BOC: variants seen among roughly 807,000 people sequenced by gnomAD.
BOC encodes brother of CDO.
BOC carries 76 observed loss-of-function variants against 112.0 expected under a neutral mutation model. That is an observed-to-expected ratio of 0.68 (90% CI 0.56 to 0.82). BOC has a LOEUF of 0.82. Ranked by LOEUF, BOC falls within the 40% of genes least tolerant of loss-of-function variation. The pLI is 0.00. For synonymous variants in BOC, 580 were observed against 599.8 expected, an observed-to-expected ratio of 0.97 and a Z score of 0.48; for missense variants, 1,309 against 1,511.7, an observed-to-expected ratio of 0.87 and a Z score of 2.22.
intron 1 of BOC, among the ~76,000 whole-genome samples, chr3:113,215,206 A>T (rs1220033225): frequency 6.6e-6 from 1 of 152,146 alleles, no homozygotes; most frequent in East Asian, 1.9e-4. Flanking sequence ...AGGGGGTGGG[A>T]TGGGAGAGGG....
intron 8 of BOC, among the ~76,000 whole-genome samples, chr3:113,273,974 G>T (rs923722325): frequency 6.6e-6 from 1 of 152,144 alleles, no homozygotes; most frequent in African/African-American, 2.4e-5. Flanking sequence ...GTAGGAAAAG[G>T]CCCACATGGT....
intron 2 of BOC, among the ~76,000 whole-genome samples, chr3:113,230,570 C>T (rs935696075): frequency 2.0e-5 from 3 of 152,170 alleles, no homozygotes; most frequent in Non-Finnish European, 1.5e-5. Context: ...ATACTACCGA[C>T]CTCATATAGT....
rs1948248323 is a variant in BOC at position 113,272,663 on chromosome 3, G to T, written c.921G>T (p.Gln307His). 1 of 1,613,756 alleles carries T rather than the reference G, an allele frequency of 6.2e-7. No homozygotes were observed. Among genetic ancestry groups the T allele is most frequent in the African/African-American group, 1.3e-5 (1 of 74,810 alleles). The change falls in exon 7 of 20, where the codon CAG becomes CAT. Residue 307 changes from glutamine to histidine, a missense_variant. Physicochemically the swap from Gln to His is conservative, Grantham distance 24. Transcript: ENST00000682979. ...YRCMADNGVGQPGAAVILYNV... is the reference protein window; with the variant it reads ...YRCMADNGVGHPGAAVILYNV... ...GCATGGCCGACAATGGGGTTGGGCA[G>T]CCCGGGGCAGCGGTCATCCTCTACA... is the stretch of plus-strand genomic sequence containing the variant.
chr3:113,274,658 C>T lies in BOC; in HGVS notation c.1518C>T (p.Leu506=), dbSNP rs145288077. 7.5e-6 allele frequency: 12 copies of T among 1,603,406 alleles called. No homozygotes were observed. In the African/African-American group the frequency reaches 1.2e-4, roughly 16 times the overall value. ...AGGGCAGTGGCCGGGCGCCAATCCT[C>T]TACTATGTGGTGAAACACCGCAAGG... ...RHEGSGRAPI[L]YYVVKHRKQV... Residue 506 remains leucine, a synonymous_variant, in exon 9 of 20, where the codon CTC becomes CTT. Transcript: ENST00000682979. The surrounding 1 kb of genome is among the most constrained non-coding windows in gnomAD (Gnocchi z 4.8).
intron 15 of BOC, among the ~76,000 whole-genome samples, chr3:113,282,004 T>C (rs1431024021): frequency 6.6e-6 from 1 of 152,122 alleles, no homozygotes; most frequent in African/African-American, 2.4e-5. Context: ...TCATAAAGCC[T>C]TCACACTGGT....
Position 113,249,723 on chromosome 3 carries a change from G to C in BOC, c.-80G>C. The stretch of plus-strand genomic sequence containing the variant: ...CTCTCCCTTTCTCTCTTACAACAGA[G>C]TGTTGCCAGGGACGGCAGTATCTCT... On this transcript the variant is annotated splice_region_variant and 5_prime_UTR_variant, in exon 3 of 20. Transcript: ENST00000682979. 1.7e-6 allele frequency: 2 copies of C among 1,187,586 alleles called. No individual in the cohort carries two copies. Among genetic ancestry groups the C allele is most frequent in the Non-Finnish European group, 1.2e-6 (1 of 829,152 alleles). 73.6% of individuals were successfully genotyped at this position (1,187,586 alleles called of 1,614,324 possible). A position where few individuals can be genotyped will look rare whatever the true frequency, so the allele number is the denominator to read the frequency against.
chr3:113,225,583 A>G (rs1264549378), intron 2 of BOC, among the ~76,000 whole-genome samples: 2 of 152,176 alleles, frequency 1.3e-5, no homozygotes, highest in Non-Finnish European at 2.9e-5. Context: ...TGCCTACCCC[A>G]TGTAAGTGCA....
chr3:113,274,500 T>C lies in BOC; in HGVS notation c.1360T>C (p.Ser454Pro), dbSNP rs370284094. ...ACCGGCGCTCCCCAGACCCCCAACG[T>C]CAGTGGGGCCTGCTTCCCCGCAGTG... ...GQPALPRPPT[S>P]VGPASPQCPG... The change falls in exon 9 of 20, where the codon TCA becomes CCA. Residue 454 changes from serine to proline, a missense_variant. By Grantham distance (74) the Ser-to-Pro change is moderately conservative. Coordinates refer to ENST00000682979, the MANE Select transcript of BOC (RefSeq NM_001378074.1). The surrounding 1 kb of genome is among the most constrained non-coding windows in gnomAD (Gnocchi z 4.8). The C allele has an allele frequency of 6.2e-7, 1 of 1,612,860 alleles. No homozygotes were observed. The highest frequency in any genetic ancestry group is 1.7e-5 in the Admixed American group (1 of 60,002).
At chr3:113,280,686 T>C in intron 14 of BOC, 23 bp downstream of exon 14, 1 of 1,541,218 alleles carries the variant, frequency 6.5e-7, no homozygotes, top group Non-Finnish European at 9.0e-7. Flanking sequence ...TCTGTGTTTA[T>C]AGCTTCTGCG....
Position 113,278,210 on chromosome 3 carries a change from A to G in BOC, c.1658A>G (p.Tyr553Cys). The G allele has an allele frequency of 1.9e-6, 3 of 1,614,214 alleles. No homozygotes were observed. Among genetic ancestry groups the G allele is most frequent in the Non-Finnish European group, 2.5e-6 (3 of 1,180,046 alleles). ...GSLYEVEMAA[Y>C]NCAGEGQTAM... ...TTGTATGAAGTGGAGATGGCAGCTT[A>G]CAACTGTGCGGGAGAGGGCCAGACA... The change falls in exon 10 of 20, where the codon TAC becomes TGC. Residue 553 changes from tyrosine to cysteine, a missense_variant. Physicochemically the swap from Tyr to Cys is radical, Grantham distance 194. Transcript: ENST00000682979. This position sits in a 1 kb window ranked among gnomAD's most constrained non-coding sequence, Gnocchi z 4.2.
At chr3:113,270,519 T>C in intron 5 of BOC, 1 of 361,910 alleles carries the variant, frequency 2.8e-6, no homozygotes, top group East Asian at 4.9e-5. Context: ...TAAAATGCTC[T>C]TCTATTGACC....
chr3:113,236,266 G>GTA (rs1553726813), intron 2 of BOC, among the ~76,000 whole-genome samples: 4 of 52,612 alleles, frequency 7.6e-5, no homozygotes, highest in South Asian at 1.1e-3. Context: ...GTGTGTGTGT[G>GTA]TATATATACC....
At chr3:113,216,769 G>A (rs183007822) in intron 2 of BOC, among the ~76,000 whole-genome samples, 295 of 152,278 alleles carry the variant, frequency 1.9e-3, no homozygotes, top group Non-Finnish European at 3.6e-3. Flanking sequence ...TTCAAAGAAG[G>A]CCTTTGATGT....
intron 2 of BOC, among the ~76,000 whole-genome samples, chr3:113,219,045 G>A (rs992667309): frequency 2.0e-5 from 3 of 152,232 alleles, no homozygotes; most frequent in African/African-American, 7.2e-5. Flanking sequence ...TCCAAAGGTG[G>A]TATTGTGATG....
chr3:113,231,472 C>CA (rs1942602870), intron 2 of BOC, among the ~76,000 whole-genome samples: 1 of 152,110 alleles, frequency 6.6e-6, no homozygotes, highest in Non-Finnish European at 1.5e-5. Flanking sequence ...CAGTATTTCT[C>CA]AAAGAGTATT....
chr3:113,284,942 G>C, intron 18 of BOC, 84 bp downstream of exon 18: 2 of 1,257,848 alleles, frequency 1.6e-6, no homozygotes, highest in Middle Eastern at 3.7e-4. Flanking sequence ...CTGTCACTGA[G>C]AGCCAAGCAG....
chr3:113,241,423 C>A (rs576092959), intron 2 of BOC, among the ~76,000 whole-genome samples: 1 of 152,108 alleles, frequency 6.6e-6, no homozygotes, highest in African/African-American at 2.4e-5. Context: ...CCCTCTCCCC[C>A]TCTGCTCTCC....
intron 2 of BOC, among the ~76,000 whole-genome samples, chr3:113,224,445 G>T (rs538426159): frequency 4.6e-5 from 7 of 152,182 alleles, no homozygotes; most frequent in Admixed American, 4.6e-4. Context: ...TCAACACAAG[G>T]CATTCTGGAG....
At chr3:113,244,417 A>C (rs1351944819) in intron 2 of BOC, among the ~76,000 whole-genome samples, 1 of 152,258 alleles carries the variant, frequency 6.6e-6, no homozygotes, top group African/African-American at 2.4e-5. Context: ...TGGCTAGAGC[A>C]TGACTTATAC....
Sources: gnomAD v4.1 joint callset for allele counts (sites outside exome capture counted in the v4.1 genomes callset) on GRCh38, gnomAD v4.1.1 for gene constraint, Gnocchi (gnomAD v3.1) non-coding constraint, MANE v1.5 for transcripts, NCBI Gene and HGNC (gene_info 2026-07-23, HGNC 2026-07-21) for gene names.